Variants in GPR158 observed in about 807,000 individuals in gnomAD.
The protein encoded by GPR158 is metabotropic glycine receptor.
Under a neutral mutation model 78.2 loss-of-function variants are expected in GPR158, and 30 were observed. That is an observed-to-expected ratio of 0.38 (90% CI 0.29 to 0.52). GPR158 has a LOEUF of 0.52. GPR158 is among the 20% of genes least tolerant of loss of function. GPR158 has a pLI of 0.83. For missense variants in GPR158, 1,463 were observed against 1,523.5 expected (o/e 0.96, Z 0.66); for synonymous variants, 581 against 591.1 (o/e 0.98, Z 0.25).
At chr10:25,233,934 T>C (rs921965675) in intron 2 of GPR158, among the ~76,000 whole-genome samples, 2 of 152,210 alleles carry the variant, frequency 1.3e-5, no homozygotes, top group African/African-American at 4.8e-5. Flanking sequence ...TTGGAAAATA[T>C]AGTTTTTTTC....
chr10:25,310,204 A>T (rs1316872975), intron 2 of GPR158, among the ~76,000 whole-genome samples: 15 of 152,108 alleles, frequency 9.9e-5, no homozygotes, highest in Admixed American at 9.8e-4. Context: ...AAATCATTTG[A>T]CCATATACGT....
chr10:25,478,394 A>G lies in GPR158; in HGVS notation c.1404+11675A>G, dbSNP rs567696571. On this transcript the variant is annotated intron_variant, in intron 5 of 10. Transcript: ENST00000376351. The stretch of plus-strand genomic sequence containing the variant: ...AACACAATGAAAAAGGTAAAAGATC[A>G]AAGTCATTATCATCCAGAAATAGTC... 2.6e-5 allele frequency among the ~76,000 whole-genome samples: 4 copies of G among 152,288 alleles called. No individual in the cohort carries two copies. In the South Asian group the frequency reaches 8.3e-4, roughly 32 times the overall value.
rs201604666 is a variant in GPR158, at chr10:25,216,550, GGCT to G, written c.903-4500_903-4498del. ...TCCTCCAAAGTTAATTTTGGGTGTG[GGCT>G]GATTTAGGAGCTAAGGAAAAATATT... On this transcript the variant is annotated intron_variant, in intron 1 of 10. Coordinates refer to ENST00000376351, the MANE Select transcript of GPR158 (RefSeq NM_020752.3). 6.7e-3 allele frequency among the ~76,000 whole-genome samples: 1,019 copies of G among 152,136 alleles called. 14 individuals carry two copies. The highest frequency in any genetic ancestry group is 0.024 in the African/African-American group (975 of 41,464).
intron 1 of GPR158, among the ~76,000 whole-genome samples, chr10:25,186,717 T>C (rs1366030770): frequency 3.9e-5 from 6 of 152,130 alleles, no homozygotes; most frequent in Non-Finnish European, 7.4e-5. Context: ...GCTCTGAAAT[T>C]GAGGCAATAA....
At chr10:25,296,800 C>T (rs1854521791) in intron 2 of GPR158, among the ~76,000 whole-genome samples, 1 of 152,108 alleles carries the variant, frequency 6.6e-6, no homozygotes, top group Non-Finnish European at 1.5e-5. Context: ...AAGTAACTTA[C>T]CCACAGTTAC....
In GPR158 at chr10:25,376,903, T is replaced by A. The variant is rs529278025; in HGVS notation, c.1009-19008T>A. Among the ~76,000 whole-genome samples the A allele has an allele frequency of 3.3e-5, 5 of 151,704 alleles. No individual in the cohort carries two copies. The East Asian group carries it at 9.7e-4, about 29-fold the overall frequency. Reference sequence around the variant, plus strand: ...TTGATTTATGTATATAACATATATATACATATGATTATATATGTAAAATTA... The same window carrying A: ...TTGATTTATGTATATAACATATATAAACATATGATTATATATGTAAAATTA... On this transcript the variant is annotated intron_variant, in intron 2 of 10. Coordinates refer to ENST00000376351, the MANE Select transcript of GPR158 (RefSeq NM_020752.3).
intron 4 of GPR158, among the ~76,000 whole-genome samples, chr10:25,430,289 G>A (rs1005350021): frequency 1.3e-5 from 2 of 150,912 alleles, no homozygotes; most frequent in Admixed American, 6.6e-5. Context: ...AAATACTTAG[G>A]AATCCAACTT....
intron 8 of GPR158, among the ~76,000 whole-genome samples, chr10:25,591,906 G>A (rs945525047): frequency 1.1e-4 from 17 of 151,962 alleles, no homozygotes. Context: ...GATTTTGGGG[G>A]AATTGATAGG....
chr10:25,298,854 C>T (rs1234514373), intron 2 of GPR158, among the ~76,000 whole-genome samples: 1 of 152,120 alleles, frequency 6.6e-6, no homozygotes. Context: ...AATAAAGTTG[C>T]TAAAAAGATA....
chr10:25,231,920 G>A (rs1485296607), intron 2 of GPR158, among the ~76,000 whole-genome samples: 4 of 152,278 alleles, frequency 2.6e-5, no homozygotes, highest in South Asian at 4.1e-4. Flanking sequence ...TCAGGGTGAG[G>A]CTGAGTTTGA....
At chr10:25,511,543 T>G (rs1202032760) in intron 5 of GPR158, among the ~76,000 whole-genome samples, 3 of 152,226 alleles carry the variant, frequency 2.0e-5, no homozygotes, top group Admixed American at 2.0e-4. Flanking sequence ...CACTTTAGTT[T>G]AAGTCCCCTC....
At chr10:25,409,445 CCTT>C (rs1381774697) in intron 3 of GPR158, among the ~76,000 whole-genome samples, 2 of 152,206 alleles carry the variant, frequency 1.3e-5, no homozygotes, top group Admixed American at 6.5e-5. Flanking sequence ...TCAAAAAAGG[CCTT>C]CTTCACTCTC....
chr10:25,246,729 T>C (rs995053854), intron 2 of GPR158, among the ~76,000 whole-genome samples: 1 of 152,202 alleles, frequency 6.6e-6, no homozygotes, highest in Non-Finnish European at 1.5e-5. Flanking sequence ...CAATTAATAA[T>C]GACTCCTTCA....
intron 2 of GPR158, among the ~76,000 whole-genome samples, chr10:25,289,040 A>G (rs908318998): frequency 6.6e-6 from 1 of 152,198 alleles, no homozygotes; most frequent in Non-Finnish European, 1.5e-5. Context: ...TGAATTGTTT[A>G]TCATGTTTTG....
intron 5 of GPR158, among the ~76,000 whole-genome samples, chr10:25,533,240 A>G (rs760595002): frequency 4.6e-5 from 7 of 152,162 alleles, no homozygotes; most frequent in Non-Finnish European, 8.8e-5. Context: ...AGCTATCCCA[A>G]TTCCACACGT....
chr10:25,175,207 C>T lies in GPR158; in HGVS notation c.-214C>T. ...CGGCCCCTCGCGCAGCGGGCACGGCCAGCGCTGCCACAGGTGACTTGATTT... is the reference window on the plus strand; with the variant it reads ...CGGCCCCTCGCGCAGCGGGCACGGCTAGCGCTGCCACAGGTGACTTGATTT... On this transcript the variant is annotated 5_prime_UTR_variant, in exon 1 of 11. Transcript: ENST00000376351. This position sits in a 1 kb window ranked among gnomAD's most constrained non-coding sequence, Gnocchi z 6.4. 2.0e-6 allele frequency: 1 copy of T among 495,510 alleles called. No homozygotes were observed. Among genetic ancestry groups the T allele is most frequent in the South Asian group, 3.4e-5 (1 of 29,016 alleles). The allele number at this position is 495,510 out of a possible 1,614,324, so 30.7% of individuals were successfully genotyped here. A position where few individuals can be genotyped will look rare whatever the true frequency, so the allele number is the denominator to read the frequency against.
intron 5 of GPR158, among the ~76,000 whole-genome samples, chr10:25,524,743 A>G (rs1836326349): frequency 6.6e-6 from 1 of 152,232 alleles, no homozygotes; most frequent in South Asian, 2.1e-4. Flanking sequence ...TTTCTTAGAT[A>G]TGACACCAAA....
intron 5 of GPR158, among the ~76,000 whole-genome samples, chr10:25,536,704 G>T (rs1836505692): frequency 6.6e-6 from 1 of 152,104 alleles, no homozygotes; most frequent in Admixed American, 6.6e-5. Flanking sequence ...TGATTCAAAA[G>T]ATTTAACTTT....
chr10:25,344,979 C>G (rs756529655), intron 2 of GPR158, among the ~76,000 whole-genome samples: 2 of 151,940 alleles, frequency 1.3e-5, no homozygotes, highest in African/African-American at 2.4e-5. Flanking sequence ...GGCACTAATA[C>G]TATTAATGAG....
Sources: allele counts gnomAD v4.1 joint callset (sites outside exome capture counted in the v4.1 genomes callset), GRCh38; gene constraint gnomAD v4.1.1; non-coding constraint Gnocchi (gnomAD v3.1); transcripts MANE v1.5; gene names NCBI Gene and HGNC (gene_info 2026-07-23, HGNC 2026-07-21).